Variants in GSDMC observed in about 807,000 individuals in gnomAD.
GSDMC encodes the protein gasdermin C, also known as gasdermin-C.
Under a neutral mutation model 58.0 loss-of-function variants are expected in GSDMC, and 59 were observed. The ratio of observed to expected loss-of-function variants is 1.02; its 90% CI spans 0.82 to 1.26. The LOEUF is 1.26. Ranked by LOEUF, GSDMC falls within the 50% of genes most tolerant of loss-of-function variation. GSDMC has a pLI of 0.00. For synonymous variants in GSDMC, 241 were observed against 220.2 expected (o/e 1.09, Z -0.83); for missense variants, 659 against 598.5 (o/e 1.10, Z -1.06).
At chr8:129,779,999 G>A (rs563572616) in intron 1 of GSDMC, among the ~76,000 whole-genome samples, 3 of 152,278 alleles carry the variant, frequency 2.0e-5, no homozygotes, top group Admixed American at 6.5e-5. Flanking sequence ...GAATGCATCA[G>A]CATCTCTTAA....
chr8:129,709,590 T>TGATAGCTA, the GSDMC span, among the ~76,000 whole-genome samples: 62 of 146,146 alleles, frequency 4.2e-4, no homozygotes, highest in Middle Eastern at 0.014. Context: ...GATAGATAGA[T>TGATAGCTA]GATAGATAGA....
rs1266534046 is a variant in GSDMC, at chr8:129,777,583, G to A, written c.5C>T (p.Pro2Leu). 4 of 1,569,204 alleles carry A rather than the reference G, an allele frequency of 2.5e-6. No homozygotes were observed. Among genetic ancestry groups the A allele is most frequent in the Non-Finnish European group, 3.5e-6 (4 of 1,142,540 alleles). ...TTTGCTAATGCGTTCCAACATGGAG[G>A]GCATGTTGCTAGGAGGAGATGAAAG... M[P>L]SMLERISKNL... Residue 2 changes from proline to leucine, a missense_variant, in exon 2 of 14, where the codon CCC (proline) becomes CTC (leucine). Pro to Leu is a moderately conservative substitution (Grantham distance 98, BLOSUM62 -3). Transcript: ENST00000276708.
the GSDMC span, among the ~76,000 whole-genome samples, chr8:129,740,091 G>C: frequency 6.6e-6 from 1 of 151,960 alleles, no homozygotes; most frequent in Non-Finnish European, 1.5e-5. Context: ...ATAGAAAAAA[G>C]CTTATAGAAT....
At position 129,786,254 on chromosome 8, in the gene GSDMC, C is replaced by G. The variant is rs987115938; in HGVS notation, c.-248G>C. 1 of 152,032 alleles carries G rather than the reference C, an allele frequency of 6.6e-6. No individual in the cohort carries two copies. Among genetic ancestry groups the G allele is most frequent in the African/African-American group, 2.4e-5 (1 of 41,342 alleles). The allele number at this position is 152,032 out of a possible 1,614,324, so 9.4% of individuals were successfully genotyped here. A position where few individuals can be genotyped will look rare whatever the true frequency, so the allele number is the denominator to read the frequency against. On this transcript the variant is annotated 5_prime_UTR_variant, in exon 1 of 14. Coordinates refer to ENST00000276708, the MANE Select transcript of GSDMC (RefSeq NM_031415.3). ...AGGCTGAGGCAGAGAACTGCTTGAA[C>G]CCGGGAGGCAGAGGTTGCAGTGAGC...
At chr8:129,762,424 T>C (rs978037236) in intron 5 of GSDMC, among the ~76,000 whole-genome samples, 6 of 152,186 alleles carry the variant, frequency 3.9e-5, no homozygotes, top group African/African-American at 1.4e-4. Flanking sequence ...AATAGCAGCA[T>C]TTCACCCAGG....
the GSDMC span, among the ~76,000 whole-genome samples, chr8:129,726,999 T>TATACACACAC: frequency 4.3e-5 from 4 of 93,020 alleles, no homozygotes; most frequent in Non-Finnish European, 3.8e-5. Context: ...CCAATACACA[T>TATACACACAC]ACACACACAC....
At chr8:129,756,973 C>T (rs368609135) in intron 6 of GSDMC, among the ~76,000 whole-genome samples, 13 of 151,966 alleles carry the variant, frequency 8.6e-5, no homozygotes, top group Middle Eastern at 3.4e-3. Flanking sequence ...TCATAAAAAA[C>T]TACCTTATGA....
intron 1 of GSDMC, among the ~76,000 whole-genome samples, chr8:129,778,389 A>G (rs2034310470): frequency 1.3e-5 from 2 of 152,220 alleles, no homozygotes; most frequent in Admixed American, 1.3e-4. Context: ...TGGTGCTGGG[A>G]TACCTGGCTA....
At chr8:129,757,724 A>G (rs1041597705) in intron 6 of GSDMC, among the ~76,000 whole-genome samples, 2 of 152,122 alleles carry the variant, frequency 1.3e-5, no homozygotes, top group Non-Finnish European at 2.9e-5. Context: ...AGGTGTCATG[A>G]TCACACCTGC....
the GSDMC span, among the ~76,000 whole-genome samples, chr8:129,722,326 G>A: frequency 2.0e-5 from 3 of 152,204 alleles, no homozygotes; most frequent in African/African-American, 7.2e-5. Context: ...ATCAATGTGG[G>A]TGAGTGAAGG....
intron 5 of GSDMC, among the ~76,000 whole-genome samples, 185 bp downstream of exon 5, chr8:129,762,441 T>A (rs2033701134): frequency 6.6e-6 from 1 of 152,234 alleles, no homozygotes; most frequent in South Asian, 2.1e-4. Flanking sequence ...CAGGCCATGC[T>A]TGGAGGTGCC....
At chr8:129,773,733 C>G (rs927045555) in intron 3 of GSDMC, among the ~76,000 whole-genome samples, 1 of 149,766 alleles carries the variant, frequency 6.7e-6, no homozygotes, top group Non-Finnish European at 1.5e-5. Flanking sequence ...TTGCAGTGAG[C>G]CGAGATCACG....
chr8:129,750,302 G>T, intron 11 of GSDMC, 129 bp downstream of exon 11: 1 of 1,112,568 alleles, frequency 9.0e-7, no homozygotes. Context: ...CGGCACCAGA[G>T]TCCCCAGTCT....
chr8:129,708,003 G>T, the GSDMC span, among the ~76,000 whole-genome samples: 3 of 152,116 alleles, frequency 2.0e-5, no homozygotes, highest in Non-Finnish European at 4.4e-5. Flanking sequence ...AGAGTTCTGT[G>T]CTCCTGGGCA....
Position 129,752,778 on chromosome 8 carries a change from C to T in GSDMC, c.764G>A (p.Ser255Asn), listed in dbSNP as rs768081301. Residue 255 changes from serine (S) to asparagine (N), a missense_variant, in exon 7 of 14, where the codon AGT (serine) becomes AAT (asparagine). Transcript: ENST00000276708. Reference protein sequence around the residue: ...SEMVGYCAARSEGLLPSFHTI... With the variant: ...SEMVGYCAARNEGLLPSFHTI... The stretch of plus-strand genomic sequence containing the variant: ...ATGAAATGATGGTAGCAACCCCTCA[C>T]TCCTCGCAGCACAGTAGCCTACCAT... 1 of 1,614,204 alleles carries T rather than the reference C, an allele frequency of 6.2e-7. No individual in the cohort carries two copies. Among genetic ancestry groups the T allele is most frequent in the Non-Finnish European group, 8.5e-7 (1 of 1,180,024 alleles).
the GSDMC span, among the ~76,000 whole-genome samples, chr8:129,711,801 A>T: frequency 1.3e-5 from 2 of 152,226 alleles, no homozygotes; most frequent in Non-Finnish European, 2.9e-5. Flanking sequence ...ATTTGAAGTG[A>T]TCATTAGTTA....
At chr8:129,751,740 C>G in intron 9 of GSDMC, 122 bp downstream of exon 9, 2 of 1,177,958 alleles carry the variant, frequency 1.7e-6, no homozygotes, top group Non-Finnish European at 2.5e-6. Context: ...TCCCATTCCA[C>G]ATGACCAAAC....
At chr8:129,783,804 G>A (rs2034481723) in intron 1 of GSDMC, among the ~76,000 whole-genome samples, 1 of 151,974 alleles carries the variant, frequency 6.6e-6, no homozygotes, top group African/African-American at 2.4e-5. Context: ...AGCAAAAAGA[G>A]CAAAACTCAA....
chr8:129,734,064 G>T, the GSDMC span, among the ~76,000 whole-genome samples: 2 of 152,182 alleles, frequency 1.3e-5, no homozygotes, highest in African/African-American at 4.8e-5. Flanking sequence ...TCAAGAGGAA[G>T]AAAGTGTATC....
Sources: allele counts gnomAD v4.1 joint callset (sites outside exome capture counted in the v4.1 genomes callset), GRCh38; gene constraint gnomAD v4.1.1; transcripts MANE v1.5; gene names NCBI Gene and HGNC (gene_info 2026-07-23, HGNC 2026-07-21).